UBR4: variants seen among roughly 807,000 people sequenced by gnomAD.
The protein encoded by UBR4 is E3 ubiquitin-protein ligase UBR4.
In UBR4, 124 loss-of-function variants were observed where a neutral mutation model predicts 575.6. The ratio of observed to expected loss-of-function variants is 0.22; its 90% CI spans 0.19 to 0.25. The LOEUF (loss-of-function observed/expected upper bound fraction) is 0.25. Among genes scored for constraint, UBR4 ranks in the 10% least tolerant of loss-of-function variants. The probability of loss-of-function intolerance (pLI) is 1.00; values close to 1 mark genes in which losing one functional copy is unlikely to be tolerated. For synonymous variants in UBR4, 2,455 were observed against 2,473.7 expected (o/e 0.99, Z 0.22); for missense variants, 4,818 against 6,478.8 (o/e 0.74, Z 8.80).
At chr1:19,203,003 C>G (rs148847245) in intron 1 of UBR4, among the ~76,000 whole-genome samples, 264 of 151,876 alleles carry the variant, frequency 1.7e-3, no homozygotes, top group African/African-American at 6.1e-3. Flanking sequence ...ATTGCTTGAA[C>G]CCAGAAGGTA....
At chr1:19,148,233 G>T in intron 50 of UBR4, 106 bp from the exon 51 acceptor site, 1 of 1,376,528 alleles carries the variant, frequency 7.3e-7, no homozygotes. Context: ...CCAGGGCTAG[G>T]TTATGCTCCA....
chr1:19,169,345 C>T lies in UBR4; in HGVS notation c.3741+90G>A, dbSNP rs189235478. ...GCAGTATATGAAGATATCTTGGTAG[C>T]TAGTTTAAGCCTAATTCCTTTAGGC... On this transcript the variant is annotated intron_variant, in intron 27 of 105. Coordinates refer to ENST00000375254, the MANE Select transcript of UBR4 (RefSeq NM_020765.3). 78 of 1,055,572 alleles carry T rather than the reference C, an allele frequency of 7.4e-5. 1 individual carries two copies. In the East Asian group the frequency reaches 2.1e-3, roughly 28 times the overall value. The allele number at this position is 1,055,572 out of a possible 1,614,324, so 65.4% of individuals were successfully genotyped here. A position where few individuals can be genotyped will look rare whatever the true frequency, so the allele number is the denominator to read the frequency against.
At chr1:19,112,153 C>G (rs946413971) in intron 78 of UBR4, 1 of 212,778 alleles carries the variant, frequency 4.7e-6, no homozygotes, top group African/African-American at 2.3e-5. Flanking sequence ...TGAAACTGAG[C>G]CTTTCCAATC....
At chr1:19,092,584 T>C (rs1233002177) in intron 97 of UBR4, 1 of 436,114 alleles carries the variant, frequency 2.3e-6, no homozygotes, top group African/African-American at 2.0e-5. Context: ...CCCTCACAGT[T>C]CAACAGTTGC....
At position 19,197,664 on chromosome 1, in the gene UBR4, C is replaced by T; in HGVS notation, c.893+6G>A. The stretch of plus-strand genomic sequence containing the variant: ...AGTAAAGCATGTGCACTGTGAAGCA[C>T]CTTACCCATTACGAACAGCAGTGGC... On this transcript the variant is annotated splice_donor_region_variant and intron_variant, in intron 7 of 105. Coordinates refer to ENST00000375254, the MANE Select transcript of UBR4 (RefSeq NM_020765.3). 5 of 1,613,846 alleles carry T rather than the reference C, an allele frequency of 3.1e-6. No homozygotes were observed. The South Asian group carries it at 5.5e-5, about 18-fold the overall frequency.
At position 19,141,700 on chromosome 1, in the gene UBR4, G is replaced by C. The variant is rs373832140; in HGVS notation, c.8257C>G (p.Arg2753Gly). 6.2e-7 allele frequency: 1 copy of C among 1,614,182 alleles called. No individual in the cohort carries two copies. Among genetic ancestry groups the C allele is most frequent in the Admixed American group, 1.7e-5 (1 of 60,024 alleles). ...SSGIPNGGHI[R>G]QESQEQSEVD... ...TCACTCTGTTCCTGGCTTTCCTGAC[G>C]GATGTGACCACCATTCGGGATCCCT... is the stretch of plus-strand genomic sequence containing the variant. Residue 2753 changes from arginine (R) to glycine (G), a missense_variant, in exon 56 of 106, where the codon CGT becomes GGT. Arg to Gly is a moderately radical substitution (Grantham distance 125, BLOSUM62 -2). Transcript: ENST00000375254.
At chr1:19,147,277 T>G (rs868184145) in intron 51 of UBR4, among the ~76,000 whole-genome samples, 6 of 152,232 alleles carry the variant, frequency 3.9e-5, no homozygotes, top group East Asian at 3.8e-4. Context: ...ACTGCTAGAT[T>G]TCTTTCTCTT....
intron 2 of UBR4, among the ~76,000 whole-genome samples, chr1:19,200,816 T>A (rs2092709574): frequency 6.6e-6 from 1 of 152,146 alleles, no homozygotes; most frequent in African/African-American, 2.4e-5. Context: ...AATACACTAA[T>A]TCTTCAATGT....
chr1:19,175,083 C>G (rs755738026), intron 20 of UBR4, 50 bp from the exon 21 acceptor site: 2 of 1,514,060 alleles, frequency 1.3e-6, no homozygotes, highest in South Asian at 1.2e-5. Context: ...TTAACTCTAT[C>G]TGACTAGTAT....
At chr1:19,130,753 C>T (rs566683340) in intron 60 of UBR4, among the ~76,000 whole-genome samples, 2 of 152,278 alleles carry the variant, frequency 1.3e-5, no homozygotes, top group South Asian at 2.1e-4. Flanking sequence ...GAACATAAAA[C>T]ATAAGACGGC....
chr1:19,086,817 G>A lies in UBR4; in HGVS notation c.14549C>T (p.Thr4850Ile). ...ICREGYKFQPTKVLGIYTFTK... is the reference protein window; with the variant it reads ...ICREGYKFQPIKVLGIYTFTK... Reference sequence around the variant, plus strand: ...GAAGGTATAAATGCCCAGGACCTTTGTGGGCTGCAAAGACGACAACATAAG... The same window carrying A: ...GAAGGTATAAATGCCCAGGACCTTTATGGGCTGCAAAGACGACAACATAAG... Residue 4850 changes from threonine to isoleucine, a missense_variant, in exon 100 of 106, where the codon ACA becomes ATA. Physicochemically the swap from Thr to Ile is moderately conservative, Grantham distance 89. This residue lies in a region of UBR4 where 196 missense variants were observed against 386.8 expected (regional missense o/e 0.51). Transcript: ENST00000375254. 6.2e-7 allele frequency: 1 copy of A among 1,613,986 alleles called. No homozygotes were observed. Among genetic ancestry groups the A allele is most frequent in the East Asian group, 2.2e-5 (1 of 44,896 alleles).
intron 99 of UBR4, among the ~76,000 whole-genome samples, chr1:19,087,099 A>G (rs922674565): frequency 6.6e-6 from 1 of 152,252 alleles, no homozygotes; most frequent in Non-Finnish European, 1.5e-5. Flanking sequence ...AGCCTCGGCC[A>G]TCTTTCTTTA....
At position 19,157,703 on chromosome 1, in the gene UBR4, G is replaced by A. The variant is rs760278062; in HGVS notation, c.5760+112C>T. ...TCTGTCCCTGAAGCATTCTTAGAACGCAGTGGACTTTTTCCCACAGAGGGC... is the reference window on the plus strand; with the variant it reads ...TCTGTCCCTGAAGCATTCTTAGAACACAGTGGACTTTTTCCCACAGAGGGC... On this transcript the variant is annotated intron_variant, in intron 40 of 105. Transcript: ENST00000375254. The surrounding 1 kb of genome is among the most constrained non-coding windows in gnomAD (Gnocchi z 4.4). 1.6e-5 allele frequency: 22 copies of A among 1,336,664 alleles called. No homozygotes were observed. Among genetic ancestry groups the A allele is most frequent in the Admixed American group, 1.4e-4 (6 of 42,246 alleles). 82.8% of individuals were successfully genotyped at this position (1,336,664 alleles called of 1,614,324 possible). A position where few individuals can be genotyped will look rare whatever the true frequency, so the allele number is the denominator to read the frequency against.
chr1:19,105,111 C>A lies in UBR4; in HGVS notation c.12582G>T (p.Ala4194=), dbSNP rs751766331. 1.2e-6 allele frequency: 2 copies of A among 1,614,064 alleles called. No homozygotes were observed. The highest frequency in any genetic ancestry group is 2.2e-5 in the East Asian group (1 of 44,872). The change falls in exon 85 of 106, where the codon GCG becomes GCT. Residue 4194 remains alanine, a synonymous_variant. Coordinates refer to ENST00000375254, the MANE Select transcript of UBR4 (RefSeq NM_020765.3). ...LALYQKLITS[A]HWKVYLAARG... is the part of the protein sequence containing the mutation. ...GAGCTGCCAAGTAGACTTTCCAGTG[C>A]GCAGAAGTGATGAGCTTCTGGTAGA...
intron 60 of UBR4, 85 bp downstream of exon 60, chr1:19,137,922 T>C (rs903304727): frequency 6.0e-5 from 78 of 1,309,030 alleles, no homozygotes; most frequent in South Asian, 3.3e-4. Flanking sequence ...ATCACTACTC[T>C]ACCTCCTGCA....
Position 19,086,841 on chromosome 1 carries a change from A to G in UBR4, c.14545-20T>C. 6.2e-7 allele frequency: 1 copy of G among 1,611,648 alleles called. No homozygotes were observed. ...TGTGGGCTGCAAAGACGACAACATA[A>G]GGAGAGGGGAGGAGAAACTCCAAGT... On this transcript the variant is annotated intron_variant, in intron 99 of 105. Transcript: ENST00000375254.
chr1:19,097,538 CACTATGTAATA>C (rs1463848906), intron 90 of UBR4, among the ~76,000 whole-genome samples: 1 of 152,200 alleles, frequency 6.6e-6, no homozygotes, highest in East Asian at 1.9e-4. Flanking sequence ...TTCATTAGAA[CACTATGTAATA>C]ATCTAACAAA....
In UBR4 at chr1:19,110,585, C is replaced by T; in HGVS notation, c.11893-121G>A. 1 of 1,339,054 alleles carries T rather than the reference C, an allele frequency of 7.5e-7. No individual in the cohort carries two copies. Among genetic ancestry groups the T allele is most frequent in the Non-Finnish European group, 1.1e-6 (1 of 943,242 alleles). The allele number at this position is 1,339,054 out of a possible 1,614,324, so 82.9% of individuals were successfully genotyped here. On this transcript the variant is annotated intron_variant, in intron 79 of 105. Coordinates refer to ENST00000375254, the MANE Select transcript of UBR4 (RefSeq NM_020765.3). The surrounding 1 kb of genome is among the most constrained non-coding windows in gnomAD (Gnocchi z 4.5). ...ACAGAGACAAAGGACAGACGGAGAC[C>T]CTTGTGCTCCAGGCTCTTCCCTGGG...
chr1:19,154,042 C>T, intron 44 of UBR4, 103 bp from the exon 45 acceptor site: 1 of 1,310,168 alleles, frequency 7.6e-7, no homozygotes, highest in South Asian at 1.4e-5. Context: ...GACTCCAAAG[C>T]AATATCCTTG....
Sources: gnomAD v4.1 joint callset for allele counts (sites outside exome capture counted in the v4.1 genomes callset) on GRCh38, gnomAD v4.1.1 for gene constraint, gnomAD v4.1.1 regional missense constraint, Gnocchi (gnomAD v3.1) non-coding constraint, MANE v1.5 for transcripts, NCBI Gene and HGNC (gene_info 2026-07-23, HGNC 2026-07-21) for gene names.